The following ANKRD30B variants were observed in gnomAD, a reference collection of about 807,000 sequenced individuals.
ANKRD30B encodes ankyrin repeat domain-containing protein 30B.
In ANKRD30B, 144 loss-of-function variants were observed where a neutral mutation model predicts 202.2. That is an observed-to-expected ratio of 0.71 (90% CI 0.62 to 0.82). The LOEUF is 0.82. ANKRD30B is among the 40% of genes least tolerant of loss of function. ANKRD30B has a pLI of 0.00. For synonymous variants in ANKRD30B, 508 were observed against 561.3 expected, an observed-to-expected ratio of 0.91 and a Z score of 1.34; for missense variants, 1,487 against 1,669.1, an observed-to-expected ratio of 0.89 and a Z score of 1.90.
At position 14,823,987 on chromosome 18, in the gene ANKRD30B, A is replaced by G. The variant is rs1183949964; in HGVS notation, c.2743+1310A>G. ...TCCCATCTCAAAAAGCAAACAAGCA[A>G]ACAAACAAAACCCCAGAAATTCACC... On this transcript the variant is annotated intron_variant, in intron 32 of 43. Transcript: ENST00000690538. 2.0e-5 allele frequency among the ~76,000 whole-genome samples: 3 copies of G among 152,238 alleles called. No homozygotes were observed. In the East Asian group the frequency reaches 5.8e-4, roughly 29 times the overall value.
chr18:14,753,776 G>T (rs1598560304), intron 3 of ANKRD30B, among the ~76,000 whole-genome samples: 1 of 152,118 alleles, frequency 6.6e-6, no homozygotes, highest in Non-Finnish European at 1.5e-5. Context: ...ATTTGAATAG[G>T]TTATGCATAT....
chr18:14,894,312 T>G, the ANKRD30B span, among the ~76,000 whole-genome samples: 34 of 152,208 alleles, frequency 2.2e-4, no homozygotes, highest in African/African-American at 7.7e-4. Flanking sequence ...ATCTTGTATT[T>G]CAGAAATTGA....
rs564587847 is a variant in ANKRD30B, at chr18:14,820,116, T to C, written c.2642-2367T>C. Among the ~76,000 whole-genome samples, 426 of 152,268 alleles carry C rather than the reference T, an allele frequency of 2.8e-3. 2 individuals are homozygous for C. The highest frequency in any genetic ancestry group is 8.9e-3 in the South Asian group (43 of 4,832). On this transcript the variant is annotated intron_variant, in intron 30 of 43. Coordinates refer to ENST00000690538, the MANE Select transcript of ANKRD30B (RefSeq NM_001367607.2). ...TGGATTCCTATTTATTTTATTCTCT[T>C]TGAAGCAATTGTGAATGGGAGTTCA...
the ANKRD30B span, among the ~76,000 whole-genome samples, chr18:14,912,488 T>C: frequency 3.3e-5 from 5 of 152,202 alleles, no homozygotes; most frequent in African/African-American, 1.2e-4. Context: ...TGGTGTATTA[T>C]CTTTTTGATG....
intron 7 of ANKRD30B, among the ~76,000 whole-genome samples, chr18:14,765,803 CT>C (rs1916036250): frequency 2.0e-5 from 3 of 152,222 alleles, no homozygotes; most frequent in Middle Eastern, 3.4e-3. Flanking sequence ...AAATTTGACC[CT>C]TCCAGGGTAA....
At chr18:14,820,676 C>T (rs966106545) in intron 30 of ANKRD30B, among the ~76,000 whole-genome samples, 2 of 152,090 alleles carry the variant, frequency 1.3e-5, no homozygotes, top group African/African-American at 4.8e-5. Context: ...TATTGATTTG[C>T]ATATATTGAA....
At chr18:14,904,448 G>T in the ANKRD30B span, among the ~76,000 whole-genome samples, 1 of 152,032 alleles carries the variant, frequency 6.6e-6, no homozygotes, top group Admixed American at 6.6e-5. Flanking sequence ...ACTTTACCAG[G>T]CACACAGGAT....
the ANKRD30B span, among the ~76,000 whole-genome samples, chr18:14,923,757 G>C: frequency 2.6e-5 from 4 of 152,352 alleles, no homozygotes; most frequent in East Asian, 7.7e-4. Flanking sequence ...TCTGCAAGAA[G>C]TATCTGGATT....
chr18:14,865,465 C>T, the ANKRD30B span, among the ~76,000 whole-genome samples: 3 of 151,488 alleles, frequency 2.0e-5, no homozygotes, highest in Non-Finnish European at 2.9e-5. Context: ...TTTTTGCAAA[C>T]CTTCTCTCCT....
chr18:14,834,375 G>A (rs1971084296), intron 34 of ANKRD30B, among the ~76,000 whole-genome samples: 2 of 151,862 alleles, frequency 1.3e-5, no homozygotes, highest in South Asian at 4.1e-4. Flanking sequence ...GGGGATAATA[G>A]GAAATAATTC....
chr18:14,901,270 A>C, the ANKRD30B span, among the ~76,000 whole-genome samples: 1 of 152,204 alleles, frequency 6.6e-6, no homozygotes, highest in African/African-American at 2.4e-5. Flanking sequence ...TACAGCCAAA[A>C]ATTTACTTCT....
At chr18:14,940,485 C>T in the ANKRD30B span, among the ~76,000 whole-genome samples, 9 of 152,082 alleles carry the variant, frequency 5.9e-5, no homozygotes, top group East Asian at 1.9e-4. Flanking sequence ...GGAACAGCAG[C>T]GTGGAATGGA....
intron 6 of ANKRD30B, among the ~76,000 whole-genome samples, 192 bp downstream of exon 6, chr18:14,760,810 T>C (rs1598574777): frequency 6.6e-6 from 1 of 152,150 alleles, no homozygotes; most frequent in Non-Finnish European, 1.5e-5. Flanking sequence ...TATTCAGAAT[T>C]AGTTAAGAAT....
chr18:14,939,484 C>A, the ANKRD30B span, among the ~76,000 whole-genome samples: 1 of 152,168 alleles, frequency 6.6e-6, no homozygotes, highest in African/African-American at 2.4e-5. Context: ...AAAGGGCCTG[C>A]CTGGCTCTAG....
At chr18:14,839,318 A>G (rs574666371) in intron 36 of ANKRD30B, among the ~76,000 whole-genome samples, 29 of 152,340 alleles carry the variant, frequency 1.9e-4, no homozygotes, top group Admixed American at 1.6e-3. Flanking sequence ...TGGTCAGAGT[A>G]GATCTTTCTG....
chr18:14,826,693 T>TCTCTCTCTCTCA (rs762792279), intron 32 of ANKRD30B, among the ~76,000 whole-genome samples: 3 of 124,968 alleles, frequency 2.4e-5, no homozygotes, highest in African/African-American at 8.8e-5. Flanking sequence ...TCTCTCTCTC[T>TCTCTCTCTCTCA]CACACACACA....
At chr18:14,927,255 A>G in the ANKRD30B span, among the ~76,000 whole-genome samples, 4 of 152,224 alleles carry the variant, frequency 2.6e-5, no homozygotes, top group African/African-American at 9.6e-5. Context: ...AATTATAAAA[A>G]ATACCCACTA....
intron 30 of ANKRD30B, among the ~76,000 whole-genome samples, chr18:14,818,590 C>T (rs1437450888): frequency 6.9e-6 from 1 of 144,836 alleles, no homozygotes; most frequent in Admixed American, 7.3e-5. Flanking sequence ...CATTTCCCAC[C>T]TATTAGTGAG....
the ANKRD30B span, among the ~76,000 whole-genome samples, chr18:14,909,127 GA>G: frequency 6.6e-6 from 1 of 152,322 alleles, no homozygotes; most frequent in South Asian, 2.1e-4. Flanking sequence ...GGCTGCATAG[GA>G]GGCAGTGGAG....
Sources: gnomAD v4.1 joint callset for allele counts (sites outside exome capture counted in the v4.1 genomes callset) on GRCh38, gnomAD v4.1.1 for gene constraint, MANE v1.5 for transcripts, NCBI Gene and HGNC (gene_info 2026-07-23, HGNC 2026-07-21) for gene names.